Variants in UNC5C observed in about 807,000 individuals in gnomAD.
The protein encoded by UNC5C is netrin receptor UNC5C.
Under a neutral mutation model 99.8 loss-of-function variants are expected in UNC5C, and 47 were observed. The observed-to-expected ratio is 0.47, with a 90% CI of 0.37 to 0.60. UNC5C has a LOEUF of 0.60. Among genes scored for constraint, UNC5C ranks in the 20% least tolerant of loss-of-function variants. The pLI is 0.00. For missense variants in UNC5C, 1,062 were observed against 1,165.9 expected (o/e 0.91, Z 1.30); for synonymous variants, 487 against 452.2 (o/e 1.08, Z -0.98).
At chr4:95,482,463 G>T (rs1342259484) in intron 1 of UNC5C, among the ~76,000 whole-genome samples, 3 of 149,186 alleles carry the variant, frequency 2.0e-5, no homozygotes, top group Non-Finnish European at 4.5e-5. Flanking sequence ...ATTCCTCAGG[G>T]ATCTAGAACT....
chr4:95,169,500 G>T lies in UNC5C; in HGVS notation c.2631-101C>A, dbSNP rs114433355. On this transcript the variant is annotated intron_variant, in intron 15 of 15. Coordinates refer to ENST00000453304, the MANE Select transcript of UNC5C (RefSeq NM_003728.4). ...CTCTCTACTTGTCTTTAAGTTTCCT[G>T]GTCCCATTGTGGCTGACAGTGAGCC... 2.2e-6 allele frequency: 3 copies of T among 1,371,602 alleles called. No individual in the cohort carries two copies. In the East Asian group the frequency reaches 7.0e-5, roughly 32 times the overall value. The allele number at this position is 1,371,602 out of a possible 1,614,324, so 85.0% of individuals were successfully genotyped here. A position where few individuals can be genotyped will look rare whatever the true frequency, so the allele number is the denominator to read the frequency against.
In UNC5C at chr4:95,269,241, T is replaced by C. The variant is rs557848568; in HGVS notation, c.594+9018A>G. 2.0e-5 allele frequency among the ~76,000 whole-genome samples: 3 copies of C among 152,322 alleles called. No individual in the cohort carries two copies. The South Asian group carries it at 6.2e-4, about 32-fold the overall frequency. On this transcript the variant is annotated intron_variant, in intron 4 of 15. Transcript: ENST00000453304. ...GTAGATTCTAACAATTCCCAGGTGATTCCACTGTGCCTCCACTTCTGAGAA... is the reference window on the plus strand; with the variant it reads ...GTAGATTCTAACAATTCCCAGGTGACTCCACTGTGCCTCCACTTCTGAGAA...
chr4:95,265,729 G>A (rs1321423344), intron 4 of UNC5C, among the ~76,000 whole-genome samples: 2 of 151,984 alleles, frequency 1.3e-5, no homozygotes, highest in Non-Finnish European at 2.9e-5. Context: ...ACTTTTTTTT[G>A]TTATAAGGAA....
intron 2 of UNC5C, among the ~76,000 whole-genome samples, chr4:95,328,040 C>T (rs1475554879): frequency 5.0e-3 from 437 of 86,814 alleles, no homozygotes; most frequent in Middle Eastern, 0.011. Flanking sequence ...CAGGCAACTT[C>T]TTTTTTTTTT....
At chr4:95,222,040 G>A (rs1200827347) in intron 7 of UNC5C, among the ~76,000 whole-genome samples, 1 of 152,132 alleles carries the variant, frequency 6.6e-6, no homozygotes, top group Non-Finnish European at 1.5e-5. Flanking sequence ...GTCTTGAAAT[G>A]ACCCTTTCTT....
chr4:95,433,216 A>G (rs1281349043), intron 1 of UNC5C, among the ~76,000 whole-genome samples: 1 of 152,118 alleles, frequency 6.6e-6, no homozygotes, highest in Non-Finnish European at 1.5e-5. Context: ...AGTTTAAGTA[A>G]TGTAAAATGA....
intron 1 of UNC5C, among the ~76,000 whole-genome samples, chr4:95,405,843 T>A (rs539373304): frequency 5.3e-5 from 8 of 152,218 alleles, no homozygotes; most frequent in Non-Finnish European, 1.2e-4. Context: ...TGTGAATATT[T>A]TCTTTGAAAT....
chr4:95,462,088 C>T (rs2149471374), intron 1 of UNC5C, among the ~76,000 whole-genome samples: 1 of 152,080 alleles, frequency 6.6e-6, no homozygotes. Flanking sequence ...TGCTGAAATA[C>T]CATAAAATAT....
At chr4:95,480,635 C>G (rs1390106063) in intron 1 of UNC5C, among the ~76,000 whole-genome samples, 2 of 151,972 alleles carry the variant, frequency 1.3e-5, no homozygotes, top group Admixed American at 1.3e-4. Flanking sequence ...AAGAATCCAG[C>G]AGCACATCAA....
chr4:95,504,531 T>C (rs1025099778), intron 1 of UNC5C, among the ~76,000 whole-genome samples: 2 of 152,120 alleles, frequency 1.3e-5, no homozygotes, highest in Admixed American at 6.6e-5. Context: ...ATTATAATCA[T>C]GATCAAGGTA....
intron 1 of UNC5C, among the ~76,000 whole-genome samples, chr4:95,393,691 A>G (rs1304139113): frequency 6.6e-6 from 1 of 152,180 alleles, no homozygotes; most frequent in African/African-American, 2.4e-5. Context: ...TACCAGCTTT[A>G]GAGAATATTC....
At chr4:95,394,732 T>C (rs1192601812) in intron 1 of UNC5C, among the ~76,000 whole-genome samples, 3 of 151,910 alleles carry the variant, frequency 2.0e-5, no homozygotes, top group African/African-American at 7.3e-5. Context: ...TGTTCTTGCA[T>C]TGTTTGCTAG....
chr4:95,265,569 G>A (rs1367139549), intron 4 of UNC5C, among the ~76,000 whole-genome samples: 1 of 152,112 alleles, frequency 6.6e-6, no homozygotes, highest in Non-Finnish European at 1.5e-5. Flanking sequence ...TGATGAGATG[G>A]ATGTGACACT....
intron 1 of UNC5C, among the ~76,000 whole-genome samples, chr4:95,361,472 A>G (rs6856212): frequency 0.22 from 33,201 of 152,102 alleles, 4,224 homozygotes; most frequent in African/African-American, 0.34. Flanking sequence ...ATAAAATGTG[A>G]TCACCAAGGA....
At chr4:95,334,713 G>C (rs1055322734) in intron 2 of UNC5C, among the ~76,000 whole-genome samples, 5 of 151,802 alleles carry the variant, frequency 3.3e-5, no homozygotes, top group Admixed American at 3.3e-4. Flanking sequence ...TTTGCCTTTA[G>C]TATTTTATCT....
intron 7 of UNC5C, among the ~76,000 whole-genome samples, chr4:95,236,965 C>A (rs1739143423): frequency 6.6e-6 from 1 of 152,116 alleles, no homozygotes; most frequent in Non-Finnish European, 1.5e-5. Flanking sequence ...ACCATCGACA[C>A]CAAAATCAGA....
chr4:95,341,228 T>A (rs998987659), intron 1 of UNC5C, among the ~76,000 whole-genome samples: 2 of 152,116 alleles, frequency 1.3e-5, no homozygotes, highest in Non-Finnish European at 2.9e-5. Context: ...AAAGAATACA[T>A]GATATATTAC....
intron 3 of UNC5C, among the ~76,000 whole-genome samples, chr4:95,300,231 A>G (rs1741819199): frequency 6.6e-6 from 1 of 152,240 alleles, no homozygotes; most frequent in African/African-American, 2.4e-5. Context: ...TAAGACAGAC[A>G]GAATATTTAC....
chr4:95,196,514 A>T (rs554723627), intron 12 of UNC5C, among the ~76,000 whole-genome samples: 1 of 151,874 alleles, frequency 6.6e-6, no homozygotes, highest in Non-Finnish European at 1.5e-5. Flanking sequence ...GTCACTGCCA[A>T]CATGCTAATT....
Sources: gnomAD v4.1 joint callset for allele counts (sites outside exome capture counted in the v4.1 genomes callset) on GRCh38, gnomAD v4.1.1 for gene constraint, MANE v1.5 for transcripts, NCBI Gene and HGNC (gene_info 2026-07-23, HGNC 2026-07-21) for gene names.